The following CCDC186 variants were observed in gnomAD, a reference collection of about 807,000 sequenced individuals.
CCDC186 encodes the protein coiled-coil domain-containing protein 186.
In CCDC186, 49 loss-of-function variants were observed where a neutral mutation model predicts 113.7. The ratio of observed to expected loss-of-function variants is 0.43; its 90% CI spans 0.34 to 0.55. CCDC186 has a LOEUF of 0.55. Among genes scored for constraint, CCDC186 ranks in the 20% least tolerant of loss-of-function variants. The pLI is 0.02. For synonymous variants in CCDC186, 355 were observed against 345.8 expected (o/e 1.03, Z -0.30); for missense variants, 890 against 1,011.1 (o/e 0.88, Z 1.62).
chr10:114,130,031 T>G, intron 12 of CCDC186, 60 bp from the exon 13 acceptor site: 1 of 1,480,200 alleles, frequency 6.8e-7, no homozygotes, highest in South Asian at 1.2e-5. Context: ...CTACCATCTC[T>G]GACTTTAATT....
intron 3 of CCDC186, among the ~76,000 whole-genome samples, chr10:114,156,664 T>C (rs906263138): frequency 6.6e-6 from 1 of 152,056 alleles, no homozygotes; most frequent in African/African-American, 2.4e-5. Context: ...GAGGCAAAGA[T>C]TGCAGTGAGC....
At chr10:114,140,216 T>C (rs1370898940) in intron 6 of CCDC186, among the ~76,000 whole-genome samples, 4 of 152,184 alleles carry the variant, frequency 2.6e-5, no homozygotes, top group African/African-American at 4.8e-5. Context: ...AAAGTCCGGA[T>C]AGAATGAAAG....
intron 1 of CCDC186, among the ~76,000 whole-genome samples, 191 bp downstream of exon 1, chr10:114,173,824 C>G (rs2032606854): frequency 6.6e-6 from 1 of 152,246 alleles, no homozygotes; most frequent in Non-Finnish European, 1.5e-5. Flanking sequence ...GCTTGAAACC[C>G]GTTCCCCAGC....
chr10:114,132,493 T>C (rs777987069), intron 10 of CCDC186, among the ~76,000 whole-genome samples: 56 of 152,200 alleles, frequency 3.7e-4, no homozygotes, highest in Admixed American at 1.0e-3. Context: ...AAACTAATAC[T>C]TGAAGCAGGA....
intron 6 of CCDC186, among the ~76,000 whole-genome samples, chr10:114,139,791 G>GA (rs1297359869): frequency 6.6e-6 from 1 of 151,956 alleles, no homozygotes; most frequent in African/African-American, 2.4e-5. Flanking sequence ...CAGGGAGGGA[G>GA]AAAAAGAGAC....
At chr10:114,129,643 C>T (rs965113952) in intron 13 of CCDC186, among the ~76,000 whole-genome samples, 1 of 152,116 alleles carries the variant, frequency 6.6e-6, no homozygotes, top group African/African-American at 2.4e-5. Context: ...GATTCTCGTG[C>T]CTCAGCCTCC....
intron 6 of CCDC186, among the ~76,000 whole-genome samples, chr10:114,142,384 T>C (rs1429516759): frequency 6.6e-6 from 1 of 152,218 alleles, no homozygotes; most frequent in African/African-American, 2.4e-5. Flanking sequence ...AGTCAAACCA[T>C]GGCAGCCAAA....
At chr10:114,146,711 AT>A (rs1190017563) in intron 4 of CCDC186, among the ~76,000 whole-genome samples, 1 of 152,210 alleles carries the variant, frequency 6.6e-6, no homozygotes, top group Non-Finnish European at 1.5e-5. Context: ...CACACATTTA[AT>A]TTACAAAAGA....
rs777861966 is a variant in CCDC186 at position 114,127,556 on chromosome 10, A to G, written c.2298T>C (p.Val766=). The part of the protein sequence containing the change: ...VDKAMLIERI[V]RLQKAHARKN... Reference sequence around the variant, plus strand: ...TCCGGGCATGTGCTTTTTGCAGCCTAACTATTCTCTCAATCAACATGGCCT... The same window carrying G: ...TCCGGGCATGTGCTTTTTGCAGCCTGACTATTCTCTCAATCAACATGGCCT... The change falls in exon 14 of 16, where the codon GTT becomes GTC. Residue 766 remains valine (V), a synonymous_variant. Transcript: ENST00000369287. 7 of 1,614,036 alleles carry G rather than the reference A, an allele frequency of 4.3e-6. No individual in the cohort carries two copies. The South Asian group carries it at 6.6e-5, about 15-fold the overall frequency.
chr10:114,141,996 A>G (rs1335922170), intron 6 of CCDC186, among the ~76,000 whole-genome samples: 2 of 152,226 alleles, frequency 1.3e-5, no homozygotes, highest in Non-Finnish European at 2.9e-5. Context: ...TCCATAATAC[A>G]ATATAGTCAA....
At chr10:114,171,153 A>C (rs968273303) in intron 1 of CCDC186, among the ~76,000 whole-genome samples, 1 of 152,182 alleles carries the variant, frequency 6.6e-6, no homozygotes, top group Non-Finnish European at 1.5e-5. Context: ...AAACATGAAA[A>C]GTATTATCAG....
At chr10:114,159,514 G>A (rs975553725) in intron 2 of CCDC186, among the ~76,000 whole-genome samples, 24 of 151,910 alleles carry the variant, frequency 1.6e-4, no homozygotes, top group Non-Finnish European at 1.9e-4. Flanking sequence ...GTGGTAGGGC[G>A]TGCCTGTAGT....
intron 6 of CCDC186, among the ~76,000 whole-genome samples, chr10:114,137,969 G>A (rs1160395296): frequency 1.5e-5 from 2 of 136,488 alleles, no homozygotes; most frequent in Admixed American, 8.1e-5. Flanking sequence ...CCCAGGAGGC[G>A]GAGGTTGCGG....
Position 114,136,153 on chromosome 10 carries a change from G to C in CCDC186, c.1420C>G (p.Leu474Val), listed in dbSNP as rs762859072. The change falls in exon 8 of 16, where the codon CTA becomes GTA. Residue 474 changes from leucine (L) to valine (V), a missense_variant. Physicochemically the swap from Leu to Val is conservative, Grantham distance 32. Coordinates refer to ENST00000369287, the MANE Select transcript of CCDC186 (RefSeq NM_018017.4). ...TAAAGAGCAAAACTACTCACCTCTA[G>C]CTGGTCAGATTTTTCTTGCATTTGT... ...EKQMQEKSDQLEMHHAKIKEL... is the reference protein window; with the variant it reads ...EKQMQEKSDQVEMHHAKIKEL... 5.0e-6 allele frequency: 8 copies of C among 1,610,994 alleles called. No homozygotes were observed. In the South Asian group the frequency reaches 8.8e-5, roughly 18 times the overall value.
chr10:114,167,735 G>T (rs2032377066), intron 1 of CCDC186, among the ~76,000 whole-genome samples: 1 of 145,924 alleles, frequency 6.9e-6, no homozygotes, highest in Non-Finnish European at 1.5e-5. Context: ...GGCTGATGTG[G>T]AAGGATTTAT....
intron 15 of CCDC186, 21 bp from the exon 16 acceptor site, chr10:114,125,247 G>A (rs758717135): frequency 1.3e-6 from 2 of 1,523,040 alleles, no homozygotes; most frequent in Non-Finnish European, 1.8e-6. Context: ...TGGGGTGAGG[G>A]GAAAGGGAAG....
At chr10:114,138,242 A>AAAAAC (rs550818343) in intron 6 of CCDC186, among the ~76,000 whole-genome samples, 6,901 of 144,294 alleles carry the variant, frequency 0.048, 219 homozygotes, top group Middle Eastern at 0.065. Context: ...TTTGTCACAA[A>AAAAAC]AAAACAAAAC....
intron 13 of CCDC186, 121 bp downstream of exon 13, chr10:114,129,770 T>C (rs534446698): frequency 1.9e-5 from 14 of 730,442 alleles, no homozygotes; most frequent in Non-Finnish European, 3.2e-5. Context: ...CCTCAGGTGA[T>C]CCACTCATCT....
At chr10:114,130,763 C>G (rs2031062310) in intron 12 of CCDC186, 1 of 154,604 alleles carries the variant, frequency 6.5e-6, no homozygotes, top group South Asian at 2.1e-4. Context: ...TTTTAAATTT[C>G]TATTTTTCAT....
Sources: gnomAD v4.1 joint callset for allele counts (sites outside exome capture counted in the v4.1 genomes callset) on GRCh38, gnomAD v4.1.1 for gene constraint, MANE v1.5 for transcripts, NCBI Gene and HGNC (gene_info 2026-07-23, HGNC 2026-07-21) for gene names.